ACSS1: variants seen among roughly 807,000 people sequenced by gnomAD.
ACSS1 encodes acyl-CoA synthetase short chain family member 1.
A neutral mutation model predicts 75.3 loss-of-function variants in ACSS1; 42 were observed. The ratio of observed to expected loss-of-function variants is 0.56; its 90% CI spans 0.44 to 0.72. The LOEUF (loss-of-function observed/expected upper bound fraction) is 0.72, where lower values mean the gene tolerates loss of function less well. Ranked by LOEUF, ACSS1 falls within the 30% of genes least tolerant of loss-of-function variation. The probability of loss-of-function intolerance (pLI) is 0.00; values close to 1 mark genes in which losing one functional copy is unlikely to be tolerated. For synonymous variants in ACSS1, 380 were observed against 376.8 expected (o/e 1.01, Z -0.10); for missense variants, 782 against 935.7 (o/e 0.84, Z 2.14).
chr20:25,007,987 C>T, intron 13 of ACSS1, 46 bp from the exon 14 acceptor site: 2 of 1,600,186 alleles, frequency 1.2e-6, no homozygotes, highest in Non-Finnish European at 1.7e-6. Context: ...GGTGCCCAGC[C>T]TCTGTGCTAG....
At chr20:25,041,621 C>CA (rs2089006218) in intron 2 of ACSS1, among the ~76,000 whole-genome samples, 1 of 152,160 alleles carries the variant, frequency 6.6e-6, no homozygotes, top group South Asian at 2.1e-4. Context: ...GCCCCATTCA[C>CA]ACTGGGAAAA....
At chr20:25,035,104 C>A (rs187033682) in intron 2 of ACSS1, among the ~76,000 whole-genome samples, 4 of 151,922 alleles carry the variant, frequency 2.6e-5, no homozygotes, top group Admixed American at 2.6e-4. Flanking sequence ...ACAGTGTTCA[C>A]CAGGATGATC....
intron 2 of ACSS1, among the ~76,000 whole-genome samples, chr20:25,039,559 G>A (rs896227934): frequency 2.0e-5 from 3 of 152,216 alleles, no homozygotes; most frequent in African/African-American, 4.8e-5. Flanking sequence ...GGACAGGGCC[G>A]AGGGTGGGTG....
intron 1 of ACSS1, among the ~76,000 whole-genome samples, chr20:25,057,165 TC>T (rs1165865189): frequency 4.6e-5 from 7 of 151,674 alleles, no homozygotes. Context: ...CGCCGTTACT[TC>T]CTTCCCGTCC....
chr20:25,046,959 T>C (rs1257506644), intron 2 of ACSS1: 2 of 778,214 alleles, frequency 2.6e-6, no homozygotes, highest in Non-Finnish European at 4.8e-6. Context: ...CCGAGGCTGG[T>C]GGAGCTGTGA....
chr20:25,047,233 C>T (rs962478084), intron 2 of ACSS1, among the ~76,000 whole-genome samples: 4 of 152,182 alleles, frequency 2.6e-5, no homozygotes, highest in Admixed American at 6.5e-5. Flanking sequence ...ACCTGCCTGT[C>T]GGAATGCTCC....
intron 7 of ACSS1, 104 bp downstream of exon 7, chr20:25,019,906 T>C: frequency 2.0e-6 from 3 of 1,527,330 alleles, no homozygotes; most frequent in Admixed American, 1.8e-5. Flanking sequence ...AATTCACACA[T>C]ACAAAGCCGG....
intron 4 of ACSS1, 92 bp from the exon 5 acceptor site, chr20:25,023,184 A>T: frequency 6.9e-7 from 1 of 1,455,262 alleles, no homozygotes; most frequent in Non-Finnish European, 9.2e-7. Flanking sequence ...CACACACAGG[A>T]TTCAGAATTC....
chr20:25,046,824 C>T, intron 2 of ACSS1: 1 of 779,740 alleles, frequency 1.3e-6, no homozygotes, highest in South Asian at 1.3e-5. Context: ...GGATCCAGGG[C>T]AGAAGAATGC....
intron 1 of ACSS1, among the ~76,000 whole-genome samples, chr20:25,053,433 T>A (rs1448297561): frequency 6.6e-6 from 1 of 152,114 alleles, no homozygotes; most frequent in Admixed American, 6.5e-5. Context: ...GTCACAAAAA[T>A]TGTTTTGGAC....
intron 2 of ACSS1, chr20:25,032,701 A>G (rs1471490377): frequency 6.0e-6 from 7 of 1,171,260 alleles, no homozygotes; most frequent in Non-Finnish European, 7.4e-6. Context: ...AGTCAAGGAA[A>G]GGGCTCCCGA....
intron 13 of ACSS1, among the ~76,000 whole-genome samples, chr20:25,008,420 C>A (rs534974809): frequency 1.3e-5 from 2 of 152,342 alleles, no homozygotes; most frequent in African/African-American, 4.8e-5. Flanking sequence ...CTGCAAATGG[C>A]AATGCATTAA....
chr20:25,057,788 T>G lies in ACSS1; in HGVS notation c.315A>C (p.Gly105=). 6.3e-7 allele frequency: 1 copy of G among 1,586,232 alleles called. No homozygotes were observed. The highest frequency in any genetic ancestry group is 1.1e-5 in the South Asian group (1 of 89,544). The change falls in exon 1 of 14, where the codon GGA becomes GGC. Residue 105 remains glycine, a synonymous_variant. Coordinates refer to ENST00000323482, the MANE Select transcript of ACSS1 (RefSeq NM_032501.4). ...FSTGKIGWFL[G]GQLNVSVNCL... ...ACTCACCAGAGACATTTAACTGGCC[T>G]CCCAGGAACCAGCCGATCTTGCCAG...
intron 12 of ACSS1, 126 bp downstream of exon 12, chr20:25,012,475 A>G: frequency 8.5e-7 from 1 of 1,181,632 alleles, no homozygotes; most frequent in Admixed American, 1.9e-5. Context: ...AGAGAGAAGA[A>G]CACTGAGAGC....
rs1469418474 is a variant in ACSS1, at chr20:25,007,147, G to A, written c.*615C>T. 1.5e-6 allele frequency: 2 copies of A among 1,331,144 alleles called. No individual in the cohort carries two copies. Among genetic ancestry groups the A allele is most frequent in the African/African-American group, 1.5e-5 (1 of 67,858 alleles). 82.5% of individuals were successfully genotyped at this position (1,331,144 alleles called of 1,614,324 possible). On this transcript the variant is annotated 3_prime_UTR_variant, in exon 14 of 14. Transcript: ENST00000323482. ...TCTCAAGGGAACTGTTTAGACAGAG[G>A]TACAAACATCTCCAATTCAGACTTC...
At chr20:25,051,300 G>A (rs1305872330) in intron 1 of ACSS1, among the ~76,000 whole-genome samples, 1 of 152,248 alleles carries the variant, frequency 6.6e-6, no homozygotes, top group Non-Finnish European at 1.5e-5. Flanking sequence ...AGGTAGCCTG[G>A]TCCAGAGCAC....
intron 1 of ACSS1, among the ~76,000 whole-genome samples, chr20:25,048,469 A>G (rs2089131150): frequency 6.6e-6 from 1 of 152,198 alleles, no homozygotes; most frequent in African/African-American, 2.4e-5. Context: ...CCACCCCTAG[A>G]GACCCCATCC....
intron 12 of ACSS1, chr20:25,010,468 G>A (rs561947808): frequency 6.6e-6 from 1 of 152,396 alleles, no homozygotes; most frequent in Non-Finnish European, 1.5e-5. Context: ...GATCTGTAAA[G>A]ACCTACAGCC....
intron 5 of ACSS1, 24 bp downstream of exon 5, chr20:25,022,916 A>G: frequency 6.3e-7 from 1 of 1,585,500 alleles, no homozygotes; most frequent in Non-Finnish European, 8.6e-7. Context: ...CCAAGGGCCC[A>G]GCACCGCCCG....
Sources: gnomAD v4.1 joint callset for allele counts (sites outside exome capture counted in the v4.1 genomes callset) on GRCh38, gnomAD v4.1.1 for gene constraint, MANE v1.5 for transcripts, NCBI Gene and HGNC (gene_info 2026-07-23, HGNC 2026-07-21) for gene names.